TAFA5: variants seen among roughly 807,000 people sequenced by gnomAD.
TAFA5 encodes chemokine-like protein TAFA-5.
A neutral mutation model predicts 15.3 loss-of-function variants in TAFA5; 6 were observed. The observed-to-expected ratio is 0.39, with a 90% CI of 0.21 to 0.77. The LOEUF (loss-of-function observed/expected upper bound fraction) is 0.77. TAFA5 is among the 30% of genes least tolerant of loss of function. The pLI, the probability that TAFA5 is intolerant of heterozygous loss-of-function variation, is 0.41. For synonymous variants in TAFA5, 103 were observed against 80.7 expected (o/e 1.28, Z -1.48); for missense variants, 161 against 193.1 (o/e 0.83, Z 0.98).
intron 1 of TAFA5, among the ~76,000 whole-genome samples, chr22:48,559,382 C>T (rs1190011666): frequency 2.0e-5 from 3 of 152,272 alleles, no homozygotes; most frequent in African/African-American, 4.8e-5. Flanking sequence ...GCCTTGCTCT[C>T]GGGAGCAGGC....
chr22:48,718,257 C>A (rs1382762029), intron 3 of TAFA5, among the ~76,000 whole-genome samples: 1 of 152,202 alleles, frequency 6.6e-6, no homozygotes, highest in African/African-American at 2.4e-5. Context: ...ACAGCAGACA[C>A]TGGGCCCCGC....
intron 2 of TAFA5, among the ~76,000 whole-genome samples, chr22:48,699,605 T>C (rs1289517623): frequency 1.3e-5 from 2 of 152,150 alleles, no homozygotes; most frequent in Non-Finnish European, 2.9e-5. Flanking sequence ...CACGTGGCTT[T>C]GTTTGTTGTC....
chr22:48,633,551 T>TCTCTCTCTCC (rs1926323092), intron 1 of TAFA5, among the ~76,000 whole-genome samples: 2 of 143,138 alleles, frequency 1.4e-5, no homozygotes, highest in South Asian at 4.2e-4. Flanking sequence ...TCTCTCTCTC[T>TCTCTCTCTCC]CTCTCTCCAT....
intron 1 of TAFA5, among the ~76,000 whole-genome samples, chr22:48,640,870 T>C (rs1275668116): frequency 2.2e-5 from 3 of 136,806 alleles, no homozygotes; most frequent in Non-Finnish European, 4.6e-5. Context: ...GGGGGCACCG[T>C]GGCCCTTGTT....
At chr22:48,708,625 G>A (rs1424647206) in intron 3 of TAFA5, among the ~76,000 whole-genome samples, 1 of 152,212 alleles carries the variant, frequency 6.6e-6, no homozygotes. Flanking sequence ...ACTAGCGAGT[G>A]GCACCCCCTC....
At chr22:48,652,278 C>T (rs1029754265) in intron 2 of TAFA5, among the ~76,000 whole-genome samples, 12 of 152,206 alleles carry the variant, frequency 7.9e-5, no homozygotes, top group African/African-American at 2.9e-4. Flanking sequence ...TGTCTGTGGC[C>T]GAGTCAGCCT....
At chr22:48,620,197 C>T (rs1052683447) in intron 1 of TAFA5, among the ~76,000 whole-genome samples, 2 of 152,050 alleles carry the variant, frequency 1.3e-5, no homozygotes, top group African/African-American at 4.8e-5. Context: ...GTGCCCACTG[C>T]CCCCTTGGTG....
chr22:48,573,858 T>C (rs1348608511), intron 1 of TAFA5, among the ~76,000 whole-genome samples: 3 of 152,228 alleles, frequency 2.0e-5, no homozygotes, highest in Non-Finnish European at 2.9e-5. Context: ...ATGCACCTGA[T>C]TGGGGACACA....
intron 3 of TAFA5, among the ~76,000 whole-genome samples, chr22:48,724,057 C>T (rs915230133): frequency 1.3e-5 from 2 of 152,170 alleles, no homozygotes; most frequent in African/African-American, 2.4e-5. Flanking sequence ...ATTGCTGCAG[C>T]AGGAGAGACT....
intron 1 of TAFA5, among the ~76,000 whole-genome samples, chr22:48,501,261 CG>C (rs1458113870): frequency 2.6e-5 from 4 of 152,228 alleles, no homozygotes; most frequent in Non-Finnish European, 4.4e-5. Flanking sequence ...TCCCGGGCAC[CG>C]GGCACCTTGA....
At chr22:48,609,408 G>A (rs1019272738) in intron 1 of TAFA5, among the ~76,000 whole-genome samples, 16 of 152,154 alleles carry the variant, frequency 1.1e-4, no homozygotes, top group Non-Finnish European at 2.1e-4. Flanking sequence ...TGAGACCTGT[G>A]GCATCACTGG....
At chr22:48,645,740 C>T (rs186854667) in intron 1 of TAFA5, among the ~76,000 whole-genome samples, 209 of 152,112 alleles carry the variant, frequency 1.4e-3, no homozygotes, top group Non-Finnish European at 2.2e-3. Flanking sequence ...ATCCATGAAG[C>T]TTGTGTGTAC....
intron 1 of TAFA5, among the ~76,000 whole-genome samples, chr22:48,493,881 C>A (rs1431612212): frequency 1.3e-5 from 2 of 152,198 alleles, no homozygotes; most frequent in Non-Finnish European, 2.9e-5. Flanking sequence ...GCCGCATTTA[C>A]TCCTGGTGAT....
chr22:48,621,950 T>C (rs1925852809), intron 1 of TAFA5, among the ~76,000 whole-genome samples: 1 of 152,118 alleles, frequency 6.6e-6, no homozygotes, highest in Non-Finnish European at 1.5e-5. Flanking sequence ...TCTGTTTTCC[T>C]AGATGAGGAG....
intron 2 of TAFA5, among the ~76,000 whole-genome samples, chr22:48,656,034 G>A (rs1927231873): frequency 6.6e-6 from 1 of 151,390 alleles, no homozygotes; most frequent in Admixed American, 6.6e-5. Context: ...AGTAGAGATG[G>A]GGTTTCATCA....
chr22:48,544,816 G>A (rs1462617064), intron 1 of TAFA5: 1 of 471,258 alleles, frequency 2.1e-6, no homozygotes, highest in Admixed American at 2.3e-5. Flanking sequence ...CAAACAAGGT[G>A]TGGCCTGGGG....
At chr22:48,628,195 C>T (rs901254861) in intron 1 of TAFA5, among the ~76,000 whole-genome samples, 1 of 152,192 alleles carries the variant, frequency 6.6e-6, no homozygotes, top group African/African-American at 2.4e-5. Flanking sequence ...GGGCATTTGG[C>T]AGCACAGGCT....
chr22:48,737,115 C>A (rs1930051634), intron 3 of TAFA5, among the ~76,000 whole-genome samples: 1 of 152,096 alleles, frequency 6.6e-6, no homozygotes, highest in Non-Finnish European at 1.5e-5. Context: ...GCAAGACCAC[C>A]ATGCCCCTCT....
chr22:48,620,545 A>T (rs1396824790), intron 1 of TAFA5, among the ~76,000 whole-genome samples: 4 of 92,024 alleles, frequency 4.3e-5, no homozygotes, highest in African/African-American at 8.4e-5. Context: ...GTTGCTGAGG[A>T]CAATTTAATT....
Sources: gnomAD v4.1 joint callset for allele counts (sites outside exome capture counted in the v4.1 genomes callset) on GRCh38, gnomAD v4.1.1 for gene constraint, MANE v1.5 for transcripts, NCBI Gene and HGNC (gene_info 2026-07-23, HGNC 2026-07-21) for gene names.